ALOX15B: variants seen among roughly 807,000 people sequenced by gnomAD.
The protein encoded by ALOX15B is arachidonate 15-lipoxygenase type B, also known as polyunsaturated fatty acid lipoxygenase ALOX15B.
A neutral mutation model predicts 73.8 loss-of-function variants in ALOX15B; 74 were observed. That is an observed-to-expected ratio of 1.00 (90% CI 0.83 to 1.22). The LOEUF is 1.22. Ranked by LOEUF, ALOX15B falls within the 50% of genes most tolerant of loss-of-function variation. ALOX15B has a pLI of 0.00. For missense variants in ALOX15B, 896 were observed against 859.9 expected, an observed-to-expected ratio of 1.04 and a Z score of -0.52; for synonymous variants, 353 against 357.2, an observed-to-expected ratio of 0.99 and a Z score of 0.13.
chr17:8,042,575 A>C (rs1976491654), intron 4 of ALOX15B, 84 bp downstream of exon 4: 4 of 1,543,962 alleles, frequency 2.6e-6, no homozygotes, highest in East Asian at 2.2e-5. Context: ...CAGTTCCCCC[A>C]CCCTCAGTGA....
At chr17:8,042,516 C>T in intron 4 of ALOX15B, 25 bp downstream of exon 4, 2 of 1,610,418 alleles carry the variant, frequency 1.2e-6, no homozygotes, top group Non-Finnish European at 1.7e-6. Context: ...CCTTCCCTGC[C>T]CCTGGGCCTC....
At chr17:8,046,598 T>C (rs1211462553) in intron 8 of ALOX15B, 70 bp from the exon 9 acceptor site, 14 of 1,486,972 alleles carry the variant, frequency 9.4e-6, no homozygotes, top group Non-Finnish European at 1.3e-5. Flanking sequence ...GGCTGGTGCC[T>C]GTGTGGGGGA....
rs370631978 is a variant in ALOX15B at position 8,042,757 on chromosome 17, C to T, written c.573-24C>T. On this transcript the variant is annotated intron_variant, in intron 4 of 13. Coordinates refer to ENST00000380183, the MANE Select transcript of ALOX15B (RefSeq NM_001141.3). ...GTCTCCCAGGGCCTCCTCCCCACTC[C>T]CCACCCCTCACATCCCCTGGCAGTT... 167 of 1,544,974 alleles carry T rather than the reference C, an allele frequency of 1.1e-4. No individual in the cohort carries two copies. In the South Asian group the frequency reaches 1.2e-3, roughly 11 times the overall value.
At chr17:8,044,799 C>A (rs1309994144) in intron 5 of ALOX15B, 30 bp from the exon 6 acceptor site, 12 of 1,246,562 alleles carry the variant, frequency 9.6e-6, no homozygotes, top group African/African-American at 4.8e-5. Context: ...ATTTGAGTGA[C>A]CCCGTTCCCC....
At chr17:8,039,722 G>A (rs2151810947) in intron 2 of ALOX15B, 117 bp downstream of exon 2, 4 of 1,234,974 alleles carry the variant, frequency 3.2e-6, no homozygotes, top group Admixed American at 2.6e-5. Flanking sequence ...ACAGAGTAGC[G>A]GGCAGAGGAG....
rs752444485 is a variant in ALOX15B, at chr17:8,039,481, C to T, written c.243C>T (p.Pro81=). ...KAPPVLPLLG[P]LAPDAWFCRW... ...CCCCAGTGCTGCCCCTGCTGGGGCC[C>T]CTGGCCCCGGATGCCTGGTTCTGCC... is the stretch of plus-strand genomic sequence containing the variant. The change falls in exon 2 of 14, where the codon CCC becomes CCT. Residue 81 remains proline, a synonymous_variant. Coordinates refer to ENST00000380183, the MANE Select transcript of ALOX15B (RefSeq NM_001141.3). The T allele has an allele frequency of 1.3e-6, 2 of 1,590,350 alleles. No individual in the cohort carries two copies. The highest frequency in any genetic ancestry group is 8.5e-7 in the Non-Finnish European group (1 of 1,170,254).
intron 3 of ALOX15B, among the ~76,000 whole-genome samples, chr17:8,040,646 A>AGAAAGAAAGAAGGAAG (rs1555638499): frequency 2.4e-5 from 3 of 123,270 alleles, no homozygotes; most frequent in Non-Finnish European, 5.8e-5. Flanking sequence ...AAAGAAAGAA[A>AGAAAGAAAGAAGGAAG]GAAAGAAAAG....
Position 8,042,425 on chromosome 17 carries a change from A to G in ALOX15B, c.506A>G (p.Asp169Gly), listed in dbSNP as rs1277145991. The G allele has an allele frequency of 2.1e-5, 34 of 1,613,978 alleles. No homozygotes were observed. Among genetic ancestry groups the G allele is most frequent in the Non-Finnish European group, 2.7e-5 (32 of 1,180,024 alleles). The change falls in exon 4 of 14, where the codon GAC (aspartate) becomes GGC (glycine). Residue 169 changes from aspartate (D) to glycine (G), a missense_variant. Transcript: ENST00000380183. ...TGCCTGGATGAAAAGACAGTGGAAGACTTGGAGCTCAATATCAAATACTCC... is the reference window on the plus strand; with the variant it reads ...TGCCTGGATGAAAAGACAGTGGAAGGCTTGGAGCTCAATATCAAATACTCC... Reference protein sequence around the residue: ...PHCLDEKTVEDLELNIKYSTA... With the variant: ...PHCLDEKTVEGLELNIKYSTA...
chr17:8,042,448 TCCA>T lies in ALOX15B; in HGVS notation c.531_533del (p.Thr178del). Reference sequence around the variant, plus strand: ...AGACTTGGAGCTCAATATCAAATACTCCACAGCCAAGAATGCCAACTTTTATCT... The same window carrying T: ...AGACTTGGAGCTCAATATCAAATACTCAGCCAAGAATGCCAACTTTTATCT... On this transcript the variant is annotated inframe_deletion, in exon 4 of 14. Coordinates refer to ENST00000380183, the MANE Select transcript of ALOX15B (RefSeq NM_001141.3). 6.2e-7 allele frequency: 1 copy of T among 1,614,008 alleles called. No homozygotes were observed. The highest frequency in any genetic ancestry group is 8.5e-7 in the Non-Finnish European group (1 of 1,180,018).
intron 3 of ALOX15B, among the ~76,000 whole-genome samples, 170 bp downstream of exon 3, chr17:8,040,153 C>T (rs1405005747): frequency 1.3e-5 from 2 of 152,250 alleles, no homozygotes; most frequent in African/African-American, 4.8e-5. Context: ...ATTCTCAGGC[C>T]ACCTCCAACC....
At chr17:8,043,792 G>C (rs1264702458) in intron 5 of ALOX15B, among the ~76,000 whole-genome samples, 1 of 152,108 alleles carries the variant, frequency 6.6e-6, no homozygotes, top group Non-Finnish European at 1.5e-5. Flanking sequence ...GCTCCGGCTG[G>C]GCGCAGTGGC....
intron 2 of ALOX15B, 134 bp downstream of exon 2, chr17:8,039,739 T>A: frequency 8.6e-7 from 1 of 1,166,652 alleles, no homozygotes; most frequent in Non-Finnish European, 1.2e-6. Context: ...GGAGAGGGAA[T>A]GGCGGAGCCT....
intron 3 of ALOX15B, 24 bp downstream of exon 3, chr17:8,040,007 G>T: frequency 1.2e-6 from 2 of 1,609,334 alleles, no homozygotes; most frequent in Non-Finnish European, 1.7e-6. Flanking sequence ...TACTGATGGG[G>T]GAGGGTGTGC....
chr17:8,048,431 C>A lies in ALOX15B; in HGVS notation c.1897C>A (p.Pro633Thr), dbSNP rs1261153204. 6.2e-7 allele frequency: 1 copy of A among 1,614,104 alleles called. No individual in the cohort carries two copies. The highest frequency in any genetic ancestry group is 1.7e-5 in the Admixed American group (1 of 60,036). Residue 633 changes from proline (P) to threonine (T), a missense_variant, in exon 14 of 14, where the codon CCT becomes ACT. By Grantham distance (38) the Pro-to-Thr change is conservative. Coordinates refer to ENST00000380183, the MANE Select transcript of ALOX15B (RefSeq NM_001141.3). ...GGATGAGCACTTCACAGAGGAGGCC[C>A]CTCGGCGGAGCATCGCCACCTTCCA... ...YPDEHFTEEAPRRSIATFQSR... is the reference protein window; with the variant it reads ...YPDEHFTEEATRRSIATFQSR...
At position 8,039,456 on chromosome 17, in the gene ALOX15B, C is replaced by T. The variant is rs1425355688; in HGVS notation, c.218C>T (p.Pro73Leu). Residue 73 changes from proline to leucine, a missense_variant, in exon 2 of 14, where the codon CCC becomes CTC. Coordinates refer to ENST00000380183, the MANE Select transcript of ALOX15B (RefSeq NM_001141.3). Reference sequence around the variant, plus strand: ...CTGCTGCTGCGCGTGCACAAGGCGCCCCCAGTGCTGCCCCTGCTGGGGCCC... The same window carrying T: ...CTGCTGCTGCGCGTGCACAAGGCGCTCCCAGTGCTGCCCCTGCTGGGGCCC... ...RVLLLRVHKAPPVLPLLGPLA... is the reference protein window; with the variant it reads ...RVLLLRVHKALPVLPLLGPLA... 2 of 1,607,354 alleles carry T rather than the reference C, an allele frequency of 1.2e-6. No homozygotes were observed. The highest frequency in any genetic ancestry group is 1.7e-5 in the Admixed American group (1 of 59,548).
intron 3 of ALOX15B, among the ~76,000 whole-genome samples, chr17:8,041,241 C>G (rs1242915607): frequency 6.6e-6 from 1 of 152,222 alleles, no homozygotes; most frequent in African/African-American, 2.4e-5. Context: ...ATTTTTTCAT[C>G]TCTTCAATTC....
chr17:8,045,533 C>A lies in ALOX15B; in HGVS notation c.1047C>A (p.Asp349Glu). 6.2e-7 allele frequency: 1 copy of A among 1,614,182 alleles called. No homozygotes were observed. The highest frequency in any genetic ancestry group is 8.5e-7 in the Non-Finnish European group (1 of 1,180,032). ...PNSPIFLPTD[D>E]KWDWLLAKTW... is the part of the protein sequence containing the mutation. The stretch of plus-strand genomic sequence containing the variant: ...GCCCCATCTTCCTGCCCACTGATGA[C>A]AAGTGGGACTGGTTGCTGGCCAAGA... The change falls in exon 8 of 14, where the codon GAC becomes GAA. Residue 349 changes from aspartate to glutamate, a missense_variant. Coordinates refer to ENST00000380183, the MANE Select transcript of ALOX15B (RefSeq NM_001141.3).
chr17:8,048,754 A>G lies in ALOX15B; in HGVS notation c.*189A>G. On this transcript the variant is annotated 3_prime_UTR_variant, in exon 14 of 14. Coordinates refer to ENST00000380183, the MANE Select transcript of ALOX15B (RefSeq NM_001141.3). ...AACAGAAACAAAATCAAAACAGAGA[A>G]AGCAGAAAATCTACCAAGAACAGAG... 1 of 599,006 alleles carries G rather than the reference A, an allele frequency of 1.7e-6. No homozygotes were observed. The highest frequency in any genetic ancestry group is 2.7e-6 in the Non-Finnish European group (1 of 365,168). 37.1% of individuals were successfully genotyped at this position (599,006 alleles called of 1,614,324 possible).
chr17:8,044,727 C>T, intron 5 of ALOX15B, 102 bp from the exon 6 acceptor site: 1 of 1,050,394 alleles, frequency 9.5e-7, no homozygotes, highest in Admixed American at 2.2e-5. Flanking sequence ...GAAGATTAGC[C>T]AGAGGCCTGT....
Sources: gnomAD v4.1 joint callset for allele counts (sites outside exome capture counted in the v4.1 genomes callset) on GRCh38, gnomAD v4.1.1 for gene constraint, MANE v1.5 for transcripts, NCBI Gene and HGNC (gene_info 2026-07-23, HGNC 2026-07-21) for gene names.